SPOCK3: variants seen among roughly 807,000 people sequenced by gnomAD.
SPOCK3 encodes the protein testican-3.
In SPOCK3, 30 loss-of-function variants were observed where a neutral mutation model predicts 56.6. The observed-to-expected ratio is 0.53, with a 90% confidence interval of 0.40 to 0.72. SPOCK3 has a LOEUF of 0.72. SPOCK3 is among the 30% of genes least tolerant of loss of function. The probability of loss-of-function intolerance (pLI) is 0.00; values close to 1 mark genes in which losing one functional copy is unlikely to be tolerated. For missense variants in SPOCK3, 527 were observed against 530.0 expected (o/e 0.99, Z 0.06); for synonymous variants, 196 against 183.3 (o/e 1.07, Z -0.56).
chr4:167,232,128 AG>A (rs1737238840), intron 2 of SPOCK3, among the ~76,000 whole-genome samples: 1 of 152,136 alleles, frequency 6.6e-6, no homozygotes, highest in African/African-American at 2.4e-5. Flanking sequence ...GCTCTATAGT[AG>A]GCAACTCAGC....
At chr4:166,879,623 C>A (rs1579516959) in intron 6 of SPOCK3, among the ~76,000 whole-genome samples, 1 of 152,146 alleles carries the variant, frequency 6.6e-6, no homozygotes, top group East Asian at 1.9e-4. Context: ...ACCACTTTCC[C>A]TCATATTTTA....
intron 2 of SPOCK3, among the ~76,000 whole-genome samples, chr4:167,193,310 G>C (rs933966125): frequency 1.4e-5 from 2 of 145,090 alleles, no homozygotes; most frequent in Non-Finnish European, 3.0e-5. Flanking sequence ...TGCTTTGTTA[G>C]TACCATGAGG....
chr4:167,046,429 C>A (rs147100732), intron 3 of SPOCK3, among the ~76,000 whole-genome samples: 2,750 of 91,236 alleles, frequency 0.03, 46 homozygotes, highest in Non-Finnish European at 0.046. Context: ...CCTTTATTAT[C>A]TTTTTTTTCT....
At chr4:166,736,749 T>C (rs1465714512) in intron 10 of SPOCK3, among the ~76,000 whole-genome samples, 2 of 151,860 alleles carry the variant, frequency 1.3e-5, no homozygotes, top group African/African-American at 4.8e-5. Context: ...AGGTGGCTTT[T>C]GTCATGAAAA....
chr4:167,007,174 C>A (rs1311468808), intron 3 of SPOCK3, among the ~76,000 whole-genome samples: 2 of 152,134 alleles, frequency 1.3e-5, no homozygotes, highest in African/African-American at 4.8e-5. Context: ...GCTTCTGGCT[C>A]TATTCTTCTG....
At position 166,988,373 on chromosome 4, in the gene SPOCK3, T is replaced by G. The variant is rs183576073; in HGVS notation, c.350+11976A>C. Among the ~76,000 whole-genome samples the G allele has an allele frequency of 3.8e-4, 58 of 152,158 alleles. 1 individual carries two copies. In the East Asian group the frequency reaches 8.9e-3, roughly 23 times the overall value. On this transcript the variant is annotated intron_variant, in intron 4 of 10. Transcript: ENST00000357545. ...TGAACAAAATGCTGAATTTGCCCAC[T>G]GAGAACAGAAGGGAAGATAGCAATA...
At chr4:167,107,855 T>C (rs1760305451) in intron 2 of SPOCK3, among the ~76,000 whole-genome samples, 3 of 151,822 alleles carry the variant, frequency 2.0e-5, no homozygotes. Context: ...TAGCCACACA[T>C]AAAATTAAAT....
rs563798722 is a variant in SPOCK3, at chr4:167,109,885, T to A, written c.190-47348A>T. 1.1e-4 allele frequency among the ~76,000 whole-genome samples: 17 copies of A among 152,072 alleles called. No homozygotes were observed. The East Asian group carries it at 3.3e-3, about 30-fold the overall frequency. On this transcript the variant is annotated intron_variant, in intron 2 of 10. Transcript: ENST00000357545. ...TCATATCTTTCTACTGCATTTTCTA[T>A]GTTCCTTACCACCCCACGCCCATGT... is the stretch of plus-strand genomic sequence containing the variant.
chr4:167,233,942 C>A (rs972049412), intron 2 of SPOCK3, 43 bp downstream of exon 2: 11 of 1,568,678 alleles, frequency 7.0e-6, no homozygotes, highest in Non-Finnish European at 8.8e-6. Context: ...CGCCTCGGAG[C>A]AGCGCGCGCG....
intron 2 of SPOCK3, among the ~76,000 whole-genome samples, chr4:167,099,588 A>G (rs1370343503): frequency 6.6e-6 from 1 of 152,136 alleles, no homozygotes; most frequent in Non-Finnish European, 1.5e-5. Context: ...GCTATACTTT[A>G]TGCGTATCTT....
intron 3 of SPOCK3, among the ~76,000 whole-genome samples, chr4:167,059,045 A>T (rs990934219): frequency 6.6e-4 from 101 of 152,054 alleles, no homozygotes; most frequent in Admixed American, 1.2e-3. Flanking sequence ...AACCATAAAA[A>T]CCCTAGAAGA....
chr4:167,141,261 A>T (rs1000714990), intron 2 of SPOCK3, among the ~76,000 whole-genome samples: 3 of 152,036 alleles, frequency 2.0e-5, no homozygotes, highest in Non-Finnish European at 4.4e-5. Flanking sequence ...CATAAAAAAA[A>T]GGTTTTGGAC....
chr4:167,197,982 G>A (rs188189015), intron 2 of SPOCK3, among the ~76,000 whole-genome samples: 26 of 152,086 alleles, frequency 1.7e-4, no homozygotes, highest in African/African-American at 6.3e-4. Flanking sequence ...TGCTGATGTC[G>A]CTTGTCTCAC....
chr4:166,900,331 T>G (rs1323365571), intron 5 of SPOCK3, among the ~76,000 whole-genome samples: 1 of 152,144 alleles, frequency 6.6e-6, no homozygotes, highest in African/African-American at 2.4e-5. Context: ...GAATCTGATA[T>G]TGTTGGGCAT....
intron 4 of SPOCK3, among the ~76,000 whole-genome samples, chr4:166,948,982 A>G (rs1173818066): frequency 6.6e-6 from 1 of 152,116 alleles, no homozygotes; most frequent in East Asian, 1.9e-4. Context: ...ACGTACACCA[A>G]TCAGACGTAG....
At chr4:166,886,284 G>A (rs1261179924) in intron 6 of SPOCK3, among the ~76,000 whole-genome samples, 2 of 151,836 alleles carry the variant, frequency 1.3e-5, no homozygotes, top group East Asian at 1.9e-4. Context: ...TGAACAGTAC[G>A]TTAACAAAAA....
chr4:166,873,301 T>G (rs970921305), intron 6 of SPOCK3, among the ~76,000 whole-genome samples: 1 of 152,120 alleles, frequency 6.6e-6, no homozygotes, highest in Non-Finnish European at 1.5e-5. Context: ...ATGAACTACT[T>G]TGTATAATAC....
At chr4:166,905,014 A>G (rs1212038673) in intron 5 of SPOCK3, among the ~76,000 whole-genome samples, 1 of 151,990 alleles carries the variant, frequency 6.6e-6, no homozygotes, top group Admixed American at 6.6e-5. Flanking sequence ...CCAGCATTGT[A>G]ATTCACCAGC....
intron 6 of SPOCK3, among the ~76,000 whole-genome samples, chr4:166,881,816 C>T (rs1193569834): frequency 6.6e-6 from 1 of 152,050 alleles, no homozygotes; most frequent in Non-Finnish European, 1.5e-5. Context: ...ATTAATCTTC[C>T]ATGCACAAAA....
Sources: allele counts gnomAD v4.1 joint callset (sites outside exome capture counted in the v4.1 genomes callset), GRCh38; gene constraint gnomAD v4.1.1; transcripts MANE v1.5; gene names NCBI Gene and HGNC (gene_info 2026-07-23, HGNC 2026-07-21).